Variants in NKAIN3 observed in about 807,000 individuals in gnomAD.
NKAIN3 encodes the protein sodium/potassium-transporting ATPase subunit beta-1-interacting protein 3.
A neutral mutation model predicts 30.2 loss-of-function variants in NKAIN3; 25 were observed. The ratio of observed to expected loss-of-function variants is 0.83; its 90% CI spans 0.60 to 1.16. The LOEUF is 1.16. Among genes scored for constraint, NKAIN3 ranks in the 50% most tolerant of loss-of-function variants. NKAIN3 has a pLI of 0.00. For synonymous variants in NKAIN3, 91 were observed against 89.6 expected (o/e 1.02, Z -0.09); for missense variants, 225 against 254.1 (o/e 0.89, Z 0.78).
chr8:62,792,256 A>G (rs1817720810), intron 4 of NKAIN3, among the ~76,000 whole-genome samples: 1 of 152,180 alleles, frequency 6.6e-6, no homozygotes, highest in Non-Finnish European at 1.5e-5. Context: ...TCCCCCTTTT[A>G]AAGCTATTGT....
intron 1 of NKAIN3, among the ~76,000 whole-genome samples, chr8:62,336,117 C>T (rs1475907794): frequency 4.6e-5 from 7 of 152,026 alleles, no homozygotes; most frequent in African/African-American, 2.4e-5. Flanking sequence ...TTAATCTTTG[C>T]CCTGAGGTCA....
At chr8:62,822,145 T>C (rs997607576) in intron 4 of NKAIN3, among the ~76,000 whole-genome samples, 4 of 152,154 alleles carry the variant, frequency 2.6e-5, no homozygotes, top group African/African-American at 9.7e-5. Flanking sequence ...AAATGGAGCA[T>C]ATTGCCAAAA....
At chr8:62,285,202 A>G (rs1367814553) in intron 1 of NKAIN3, among the ~76,000 whole-genome samples, 1 of 152,184 alleles carries the variant, frequency 6.6e-6, no homozygotes, top group African/African-American at 2.4e-5. Flanking sequence ...TCACTGTAAA[A>G]TGGAGAATGT....
At chr8:62,356,417 T>C (rs184610550) in intron 1 of NKAIN3, among the ~76,000 whole-genome samples, 1 of 152,316 alleles carries the variant, frequency 6.6e-6, no homozygotes, top group East Asian at 1.9e-4. Context: ...TACATTTGTT[T>C]ATGTATTTGT....
chr8:62,499,860 T>C (rs1049925546), intron 1 of NKAIN3, among the ~76,000 whole-genome samples: 11 of 152,012 alleles, frequency 7.2e-5, no homozygotes, highest in African/African-American at 1.9e-4. Context: ...CTTCTCTCTT[T>C]CTTTTTTTTT....
chr8:62,864,319 G>A, intron 4 of NKAIN3: 1 of 1,470,428 alleles, frequency 6.8e-7, no homozygotes, highest in Non-Finnish European at 9.2e-7. Flanking sequence ...CCCTGAGAAA[G>A]AAAACATTGA....
intron 1 of NKAIN3, among the ~76,000 whole-genome samples, chr8:62,253,409 C>T (rs1348612137): frequency 6.6e-6 from 1 of 152,076 alleles, no homozygotes; most frequent in Admixed American, 6.6e-5. Context: ...AACCTCATCT[C>T]TACAAAAAAT....
chr8:62,748,520 T>C (rs547395382), intron 4 of NKAIN3, among the ~76,000 whole-genome samples: 23 of 152,272 alleles, frequency 1.5e-4, no homozygotes, highest in African/African-American at 5.5e-4. Flanking sequence ...TATCAAAAGG[T>C]GAGAAGACAA....
At chr8:62,835,463 TCAATTCAACAAGCAAAAAG>T (rs1324768963) in intron 4 of NKAIN3, among the ~76,000 whole-genome samples, 1 of 151,202 alleles carries the variant, frequency 6.6e-6, no homozygotes, top group South Asian at 2.1e-4. Flanking sequence ...GGGAACTTCT[TCAATTCAACAAGCAAAAAG>T]CAATTCAACA....
intron 1 of NKAIN3, among the ~76,000 whole-genome samples, chr8:62,285,114 T>C (rs1813337196): frequency 6.6e-6 from 1 of 152,168 alleles, no homozygotes; most frequent in Non-Finnish European, 1.5e-5. Flanking sequence ...ACCAATCCTT[T>C]AATCTTACTC....
chr8:62,345,512 T>TATACACATATATAC (rs1563942823), intron 1 of NKAIN3, among the ~76,000 whole-genome samples: 1 of 120,904 alleles, frequency 8.3e-6, no homozygotes, highest in East Asian at 2.4e-4. Flanking sequence ...TACACATATA[T>TATACACATATATAC]ACACATATAT....
In NKAIN3 at chr8:62,671,149, G is replaced by A. The variant is rs576013683; in HGVS notation, c.274-75783G>A. On this transcript the variant is annotated intron_variant, in intron 3 of 6. Transcript: ENST00000623646. The stretch of plus-strand genomic sequence containing the variant: ...TCACATATTTGAAACTCTTAAGTCT[G>A]TGTGGGAGACAGGTCTCCCAGGATG... 2.6e-5 allele frequency among the ~76,000 whole-genome samples: 4 copies of A among 152,288 alleles called. No individual in the cohort carries two copies. The South Asian group carries it at 8.3e-4, about 32-fold the overall frequency.
chr8:62,302,379 A>C lies in NKAIN3; in HGVS notation c.54+53252A>C, dbSNP rs980765341. ...AGAGAGCTCTACAGGTCAATATTTC[A>C]AAGACTAGACATCGTTTCTAGCTCC... On this transcript the variant is annotated intron_variant, in intron 1 of 6. Transcript: ENST00000623646. 6.6e-5 allele frequency among the ~76,000 whole-genome samples: 10 copies of C among 152,184 alleles called. No homozygotes were observed. The East Asian group carries it at 1.9e-3, about 29-fold the overall frequency.
At chr8:62,402,696 T>C (rs1407933200) in intron 1 of NKAIN3, among the ~76,000 whole-genome samples, 1 of 152,200 alleles carries the variant, frequency 6.6e-6, no homozygotes, top group Non-Finnish European at 1.5e-5. Flanking sequence ...TCCTCAGCCC[T>C]GCAGAACTGT....
chr8:62,532,850 G>A (rs541221354), intron 1 of NKAIN3, among the ~76,000 whole-genome samples: 3 of 152,138 alleles, frequency 2.0e-5, no homozygotes, highest in Admixed American at 6.5e-5. Flanking sequence ...GAATGAAAAC[G>A]TCCACTCCAC....
chr8:62,603,788 G>C (rs1437270342), intron 3 of NKAIN3, among the ~76,000 whole-genome samples: 1 of 152,048 alleles, frequency 6.6e-6, no homozygotes, highest in African/African-American at 2.4e-5. Flanking sequence ...CAGGATCCCT[G>C]ACTCAGGAAG....
chr8:62,985,077 C>T (rs1824175973), downstream of NKAIN3, among the ~76,000 whole-genome samples: 1 of 152,170 alleles, frequency 6.6e-6, no homozygotes, highest in African/African-American at 2.4e-5. Context: ...AACCTGGTCC[C>T]TCCCCTAGAA....
intron 1 of NKAIN3, chr8:62,482,701 G>A: frequency 6.6e-6 from 1 of 152,382 alleles, no homozygotes; most frequent in Non-Finnish European, 1.5e-5. Context: ...GCCCTGGTTG[G>A]CAGGCCCTCC....
intron 3 of NKAIN3, among the ~76,000 whole-genome samples, chr8:62,728,469 C>T (rs1373767400): frequency 6.6e-6 from 1 of 151,582 alleles, no homozygotes; most frequent in Non-Finnish European, 1.5e-5. Context: ...TCGAGACCAG[C>T]CTGACCAACA....
Sources: gnomAD v4.1 joint callset for allele counts (sites outside exome capture counted in the v4.1 genomes callset) on GRCh38, gnomAD v4.1.1 for gene constraint, MANE v1.5 for transcripts, NCBI Gene and HGNC (gene_info 2026-07-23, HGNC 2026-07-21) for gene names.